TBCA: variants seen among roughly 807,000 people sequenced by gnomAD.
TBCA encodes tubulin folding cofactor A.
Under a neutral mutation model 15.8 loss-of-function variants are expected in TBCA, and 6 were observed. That is an observed-to-expected ratio of 0.38 (90% CI 0.21 to 0.75). The LOEUF (loss-of-function observed/expected upper bound fraction) is 0.75. Among genes scored for constraint, TBCA ranks in the 30% least tolerant of loss-of-function variants. TBCA has a pLI of 0.46. For missense variants in TBCA, 90 were observed against 131.2 expected (o/e 0.69, Z 1.53); for synonymous variants, 32 against 42.3 (o/e 0.76, Z 0.94).
chr5:77,761,076 C>A (rs1747619921), intron 1 of TBCA, among the ~76,000 whole-genome samples: 1 of 152,152 alleles, frequency 6.6e-6, no homozygotes, highest in East Asian at 1.9e-4. Flanking sequence ...TGCCTGGCCA[C>A]TGTGCAATCC....
At chr5:77,765,037 A>C (rs921470939) in intron 1 of TBCA, among the ~76,000 whole-genome samples, 4 of 152,288 alleles carry the variant, frequency 2.6e-5, no homozygotes, top group Middle Eastern at 3.4e-3. Context: ...ATCAATGTAC[A>C]ATGTTAGCAA....
rs565876863 is a variant in TBCA at position 77,752,700 on chromosome 5, A to G, written c.53+23505T>C. Reference sequence around the variant, plus strand: ...CAGCCTCCCGAGTAGCTGGGACTACAGGCGCCCGCCACCGCGCCCGGCTAA... The same window carrying G: ...CAGCCTCCCGAGTAGCTGGGACTACGGGCGCCCGCCACCGCGCCCGGCTAA... On this transcript the variant is annotated intron_variant, in intron 1 of 3. Transcript: ENST00000380377. 8.0e-3 allele frequency among the ~76,000 whole-genome samples: 913 copies of G among 114,472 alleles called. 265 individuals carry two copies. The highest frequency in any genetic ancestry group is 0.012 in the Non-Finnish European group (636 of 52,056). 75.1% of individuals were successfully genotyped at this position (114,472 alleles called of 152,430 possible). A position where few individuals can be genotyped will look rare whatever the true frequency, so the allele number is the denominator to read the frequency against.
chr5:77,713,252 T>A (rs895815241), intron 1 of TBCA, among the ~76,000 whole-genome samples: 1 of 152,138 alleles, frequency 6.6e-6, no homozygotes, highest in African/African-American at 2.4e-5. Context: ...GCTATAATTG[T>A]GCCACTGCAT....
chr5:77,693,424 G>A lies in TBCA; in HGVS notation c.160-72C>T, dbSNP rs1445237832. ...AGGTGTTTAGCTCATATCTTGGTAA[G>A]TATATCCTTATTAAGAGGAATCAGA... On this transcript the variant is annotated intron_variant, in intron 2 of 3. Transcript: ENST00000380377. 6 of 1,505,226 alleles carry A rather than the reference G, an allele frequency of 4.0e-6. No homozygotes were observed. In the Admixed American group the frequency reaches 1.2e-4, roughly 31 times the overall value. 93.2% of individuals were successfully genotyped at this position (1,505,226 alleles called of 1,614,324 possible).
intron 2 of TBCA, among the ~76,000 whole-genome samples, chr5:77,701,995 C>T (rs904470496): frequency 6.6e-6 from 1 of 151,698 alleles, no homozygotes; most frequent in African/African-American, 2.4e-5. Context: ...TATGAGGATG[C>T]AAAGGCGTAA....
intron 1 of TBCA, among the ~76,000 whole-genome samples, chr5:77,732,033 C>T (rs1444490685): frequency 6.6e-6 from 1 of 152,072 alleles, no homozygotes; most frequent in Non-Finnish European, 1.5e-5. Context: ...CTCTCTGGGA[C>T]GTTGCTTTGC....
At chr5:77,723,328 C>A (rs1580109489) in intron 1 of TBCA, among the ~76,000 whole-genome samples, 1 of 151,808 alleles carries the variant, frequency 6.6e-6, no homozygotes, top group South Asian at 2.1e-4. Flanking sequence ...CGTTAACTAA[C>A]CACTTATAAT....
intron 1 of TBCA, among the ~76,000 whole-genome samples, chr5:77,747,182 A>G (rs1747205498): frequency 6.6e-6 from 1 of 152,090 alleles, no homozygotes; most frequent in Non-Finnish European, 1.5e-5. Flanking sequence ...ATTTCAGGAA[A>G]ATAACAAATA....
chr5:77,712,327 G>A (rs1441770010), intron 1 of TBCA, among the ~76,000 whole-genome samples: 1 of 151,996 alleles, frequency 6.6e-6, no homozygotes, highest in Non-Finnish European at 1.5e-5. Flanking sequence ...TTCTATTATG[G>A]TTTGAAATAT....
chr5:77,740,939 T>C (rs1037920742), intron 1 of TBCA, among the ~76,000 whole-genome samples: 1 of 152,038 alleles, frequency 6.6e-6, no homozygotes, highest in Non-Finnish European at 1.5e-5. Flanking sequence ...GTTGCATAAA[T>C]AACAGAGAAA....
chr5:77,727,276 G>A (rs1478535928), intron 1 of TBCA, among the ~76,000 whole-genome samples: 1 of 150,992 alleles, frequency 6.6e-6, no homozygotes, highest in Admixed American at 6.6e-5. Context: ...AGTGCTGGAG[G>A]AGCCACTTTA....
At chr5:77,694,518 C>A (rs1051939430) in intron 2 of TBCA, among the ~76,000 whole-genome samples, 4 of 152,012 alleles carry the variant, frequency 2.6e-5, no homozygotes, top group African/African-American at 9.7e-5. Flanking sequence ...TAAGTTAATG[C>A]CACATATTGG....
chr5:77,710,843 A>T (rs1285879993), intron 1 of TBCA, among the ~76,000 whole-genome samples: 1 of 152,216 alleles, frequency 6.6e-6, no homozygotes. Context: ...TATTATCACT[A>T]TCATTATATA....
intron 2 of TBCA, among the ~76,000 whole-genome samples, chr5:77,695,089 A>G (rs950765590): frequency 3.3e-5 from 5 of 152,214 alleles, no homozygotes; most frequent in Admixed American, 2.6e-4. Flanking sequence ...CGTTACAGGA[A>G]TTAAACAAGA....
chr5:77,701,873 T>C (rs1265767785), intron 2 of TBCA, among the ~76,000 whole-genome samples: 1 of 151,600 alleles, frequency 6.6e-6, no homozygotes, highest in African/African-American at 2.4e-5. Context: ...AGGAATGAGT[T>C]AATGGCATTT....
chr5:77,755,958 G>A (rs1747464985), intron 1 of TBCA, among the ~76,000 whole-genome samples: 1 of 152,162 alleles, frequency 6.6e-6, no homozygotes, highest in Admixed American at 6.5e-5. Flanking sequence ...GAGCAGTGAT[G>A]GCACCATTTG....
chr5:77,728,398 T>C (rs975155749), intron 1 of TBCA, among the ~76,000 whole-genome samples: 1 of 152,192 alleles, frequency 6.6e-6, no homozygotes, highest in Non-Finnish European at 1.5e-5. Flanking sequence ...ATTTGGTTTC[T>C]TGTATTTTAA....
chr5:77,708,322 C>T lies in TBCA; in HGVS notation c.79G>A (p.Glu27Lys). ...TCTTCTTGTTGTTTTGCCTCTTTTT[C>T]ATACATCACTTTTTCTTTGACCAAC... ...KRLVKEKVMY[E>K]KEAKQQEEKI... Residue 27 changes from glutamate (E) to lysine (K), a missense_variant, in exon 2 of 4, where the codon GAA (glutamate) becomes AAA (lysine). By Grantham distance (56) the Glu-to-Lys change is moderately conservative. Transcript: ENST00000380377. 1 of 1,609,572 alleles carries T rather than the reference C, an allele frequency of 6.2e-7. No homozygotes were observed. The highest frequency in any genetic ancestry group is 8.5e-7 in the Non-Finnish European group (1 of 1,177,466).
chr5:77,729,473 A>G (rs1746712047), intron 1 of TBCA, among the ~76,000 whole-genome samples: 1 of 152,168 alleles, frequency 6.6e-6, no homozygotes, highest in South Asian at 2.1e-4. Flanking sequence ...AATTAGATAA[A>G]TGGAATGCTT....
Sources: gnomAD v4.1 joint callset for allele counts (sites outside exome capture counted in the v4.1 genomes callset) on GRCh38, gnomAD v4.1.1 for gene constraint, MANE v1.5 for transcripts, NCBI Gene and HGNC (gene_info 2026-07-23, HGNC 2026-07-21) for gene names.